KLK8: variants seen among roughly 807,000 people sequenced by gnomAD.
KLK8 encodes the protein kallikrein related peptidase 8.
In KLK8, 18 loss-of-function variants were observed where a neutral mutation model predicts 26.7. That is an observed-to-expected ratio of 0.67 (90% confidence interval 0.47 to 1.00). KLK8 has a LOEUF of 1.00. Ranked by LOEUF, KLK8 falls within the 50% of genes least tolerant of loss-of-function variation. KLK8 has a pLI of 0.00. For synonymous variants in KLK8, 137 were observed against 127.1 expected (o/e 1.08, Z -0.52); for missense variants, 301 against 331.7 (o/e 0.91, Z 0.72).
chr19:51,000,738 A>G (rs1025354770), intron 3 of KLK8, 155 bp from the exon 3 acceptor site: 3 of 1,522,310 alleles, frequency 2.0e-6, no homozygotes, highest in Admixed American at 2.1e-5. Context: ...GGGGACACTC[A>G]TTTCAGTCCA....
intron 6 of KLK8, among the ~76,000 whole-genome samples, chr19:50,997,186 T>C (rs937753078): frequency 1.3e-5 from 2 of 152,134 alleles, no homozygotes; most frequent in African/African-American, 2.4e-5. Context: ...GAGTTATATC[T>C]ATGACAAATC....
chr19:50,997,876 G>A, exon 6 of KLK8: 1 of 1,614,086 alleles, frequency 6.2e-7, no homozygotes, highest in Non-Finnish European at 8.5e-7. Context: ...AGAGTGTCAG[G>A]AAAATTCTCT....
chr19:50,996,637 G>A (rs1431515416), intron 6 of KLK8, among the ~76,000 whole-genome samples: 1 of 150,830 alleles, frequency 6.6e-6, no homozygotes, highest in Non-Finnish European at 1.5e-5. Flanking sequence ...GGAGGCTGAG[G>A]TGGGAGAATT....
chr19:51,000,755 A>C, intron 3 of KLK8, 172 bp from the exon 3 acceptor site: 1 of 1,513,686 alleles, frequency 6.6e-7, no homozygotes, highest in Non-Finnish European at 8.9e-7. Context: ...TCCATGTGTC[A>C]TCATACAAGA....
chr19:51,000,759 T>C, intron 3 of KLK8, 176 bp from the exon 3 acceptor site: 1 of 1,511,170 alleles, frequency 6.6e-7, no homozygotes, highest in Non-Finnish European at 8.9e-7. Flanking sequence ...TGTGTCATCA[T>C]ACAAGAGTCA....
chr19:51,001,240 T>C, intron 2 of KLK8, 65 bp from the exon 2 acceptor site: 1 of 1,447,970 alleles, frequency 6.9e-7, no homozygotes, highest in Non-Finnish European at 9.6e-7. Flanking sequence ...AGTTCTGGAT[T>C]TGGGCACTGG....
At chr19:50,997,244 G>A (rs2091178434) in intron 6 of KLK8, among the ~76,000 whole-genome samples, 1 of 152,082 alleles carries the variant, frequency 6.6e-6, no homozygotes, top group Non-Finnish European at 1.5e-5. Context: ...GAAGTCAATG[G>A]CACCATTTAC....
At chr19:51,001,248 T>C (rs2091222897) in intron 2 of KLK8, 73 bp from the exon 2 acceptor site, 3 of 1,341,530 alleles carry the variant, frequency 2.2e-6, no homozygotes, top group Admixed American at 3.9e-5. Context: ...ATTTGGGCAC[T>C]GGGGAGGCAG....
In KLK8 at chr19:50,999,998, C is replaced by T. The variant is rs774858343; in HGVS notation, c.491G>A (p.Arg164Gln). ...CCATTAGTGGACAAGCCCACTACCT[C>T]GGGGACTGGTGACAGTGCCCCAGCC... The change falls in exon 5 of 7, where the codon CGA becomes CAA. Residue 164 changes from arginine (R) to glutamine (Q), a missense_variant and splice_region_variant. Transcript: ENST00000600767. 2.0e-5 allele frequency: 32 copies of T among 1,592,704 alleles called. No homozygotes were observed. The South Asian group carries it at 2.7e-4, about 13-fold the overall frequency.
At chr19:51,000,888 C>G (rs16988801) in intron 3 of KLK8, among the ~76,000 whole-genome samples, 9,609 of 152,268 alleles carry the variant, frequency 0.063, 341 homozygotes, top group African/African-American at 0.096. Context: ...AGACAATTTA[C>G]AGCATCACGG....
Position 50,999,583 on chromosome 19 carries a change from C to CAAAAAAAAAAAAAAAAAAAAAAAAAAAA in KLK8, c.493+385_493+412dup, listed in dbSNP as rs56988162. 9.9e-5 allele frequency among the ~76,000 whole-genome samples: 3 copies of CAAAAAAAAAAAAAAAAAAAAAAAAAAAA among 30,292 alleles called. 1 individual carries two copies. Among genetic ancestry groups the CAAAAAAAAAAAAAAAAAAAAAAAAAAAA allele is most frequent in the Non-Finnish European group, 2.1e-4 (3 of 14,196 alleles). The allele number at this position is 30,292 out of a possible 152,430, so 19.9% of individuals were successfully genotyped here. On this transcript the variant is annotated intron_variant, in intron 5 of 6. Transcript: ENST00000600767. ...GATTGAGTGAAACTGTGTCCCCCTG[C>CAAAAAAAAAAAAAAAAAAAAAAAAAAAA]AAAAAAAAAAAAAAAAAAAAAAAAA...
At chr19:50,999,852 T>C in intron 5 of KLK8, 144 bp downstream of exon 4, 1 of 863,594 alleles carries the variant, frequency 1.2e-6, no homozygotes, top group East Asian at 2.7e-5. Context: ...AGGCTTCTCA[T>C]ATGACTCCTG....
chr19:50,997,626 G>C, intron 6 of KLK8, 125 bp downstream of exon 5: 1 of 1,127,522 alleles, frequency 8.9e-7, no homozygotes, highest in South Asian at 1.5e-5. Flanking sequence ...GTAGAGATAG[G>C]GGTGAACACT....
intron 6 of KLK8, among the ~76,000 whole-genome samples, chr19:50,996,932 A>C (rs1002997671): frequency 1.8e-5 from 2 of 109,710 alleles, no homozygotes; most frequent in East Asian, 2.1e-4. Flanking sequence ...ACACACACAC[A>C]CACACACCAT....
chr19:50,997,634 A>G, intron 6 of KLK8, 117 bp downstream of exon 5: 1 of 1,254,780 alleles, frequency 8.0e-7, no homozygotes, highest in Non-Finnish European at 1.1e-6. Context: ...AGGGGTGAAC[A>G]CTCCGGGTGC....
exon 5 of KLK8, chr19:51,000,059 G>T: frequency 6.2e-7 from 1 of 1,613,744 alleles, no homozygotes; most frequent in Non-Finnish European, 8.5e-7. Context: ...TGGGTGCAAT[G>T]ATCTGCCAGG....
chr19:50,996,114 G>A (rs1208177737), exon 7 of KLK8: 1 of 1,614,220 alleles, frequency 6.2e-7, no homozygotes. Flanking sequence ...GCAGATGTTG[G>A]TATAGACGCC....
chr19:51,001,108 TC>T lies in KLK8; in HGVS notation c.59del (p.Gly20GlufsTer44), dbSNP rs756039646. Reference sequence around the variant, plus strand: ...CGCAACCCTCCTCACCTGCCCAGGCTCCCCCCAGCAAGAGCAGGAACATCCA... The same window carrying T: ...CGCAACCCTCCTCACCTGCCCAGGCTCCCCCAGCAAGAGCAGGAACATCCA... On this transcript the variant is annotated frameshift_variant, in exon 3 of 7. Coordinates refer to ENST00000600767, the Ensembl canonical transcript of KLK8. LOFTEE classifies it high-confidence loss of function. 2.5e-6 allele frequency: 4 copies of T among 1,611,428 alleles called. No individual in the cohort carries two copies. The highest frequency in any genetic ancestry group is 1.7e-6 in the Non-Finnish European group (2 of 1,179,360).
exon 6 of KLK8, chr19:50,997,829 C>A: frequency 1.2e-6 from 2 of 1,614,150 alleles, no homozygotes; most frequent in Non-Finnish European, 8.5e-7. Flanking sequence ...CATCCTCACA[C>A]TTCTTCTGGG....
Sources: allele counts gnomAD v4.1 joint callset (sites outside exome capture counted in the v4.1 genomes callset), GRCh38; gene constraint gnomAD v4.1.1; transcripts MANE v1.5; gene names NCBI Gene and HGNC (gene_info 2026-07-23, HGNC 2026-07-21).